The following GRIA4 variants were observed in gnomAD, a reference collection of about 807,000 sequenced individuals.
GRIA4 encodes glutamate receptor 4.
Under a neutral mutation model 104.0 loss-of-function variants are expected in GRIA4, and 34 were observed. That is an observed-to-expected ratio of 0.33 (90% confidence interval 0.25 to 0.44). The LOEUF is 0.44. Among genes scored for constraint, GRIA4 ranks in the 20% least tolerant of loss-of-function variants. The probability of loss-of-function intolerance (pLI) is 1.00; values close to 1 mark genes in which losing one functional copy is unlikely to be tolerated. For synonymous variants in GRIA4, 386 were observed against 381.9 expected (o/e 1.01, Z -0.13); for missense variants, 750 against 1,096.5 (o/e 0.68, Z 4.46).
chr11:105,716,851 C>T (rs1954108772), intron 3 of GRIA4, among the ~76,000 whole-genome samples: 1 of 152,044 alleles, frequency 6.6e-6, no homozygotes, highest in African/African-American at 2.4e-5. Flanking sequence ...AGAGAATATA[C>T]TATATTATAA....
chr11:105,664,857 G>C (rs1361500580), intron 3 of GRIA4, among the ~76,000 whole-genome samples: 1 of 151,924 alleles, frequency 6.6e-6, no homozygotes, highest in Non-Finnish European at 1.5e-5. Context: ...CCTCACAATA[G>C]AATCAATTGG....
Position 105,760,842 on chromosome 11 carries a change from C to T in GRIA4, c.487+7622C>T, listed in dbSNP as rs376606538. On this transcript the variant is annotated intron_variant, in intron 4 of 16. Coordinates refer to ENST00000282499, the MANE Select transcript of GRIA4 (RefSeq NM_000829.4). ...GTTTTCTGATATTAATGGTTTGAAA[C>T]CCTTTGGGATTTTTTTCATGTTCGA... Among the ~76,000 whole-genome samples, 17 of 151,898 alleles carry T rather than the reference C, an allele frequency of 1.1e-4. No homozygotes were observed. The South Asian group carries it at 3.3e-3, about 30-fold the overall frequency.
chr11:105,825,290 C>G (rs938356512), intron 4 of GRIA4, among the ~76,000 whole-genome samples: 2 of 151,960 alleles, frequency 1.3e-5, no homozygotes, highest in Non-Finnish European at 2.9e-5. Context: ...TGCAGCAGTC[C>G]AGGGGACATC....
rs188625788 is a variant in GRIA4 at position 105,630,154 on chromosome 11, G to A, written c.247+17720G>A. On this transcript the variant is annotated intron_variant, in intron 3 of 16. Transcript: ENST00000282499. ...AGGCACCTTGGACTTACCCTACTACGTGATATTATTATTTATTTGCACTCC... is the reference window on the plus strand; with the variant it reads ...AGGCACCTTGGACTTACCCTACTACATGATATTATTATTTATTTGCACTCC... Among the ~76,000 whole-genome samples, 189 of 152,196 alleles carry A rather than the reference G, an allele frequency of 1.2e-3. 1 individual carries two copies. The highest frequency in any genetic ancestry group is 1.8e-3 in the Non-Finnish European group (125 of 68,014).
At position 105,713,718 on chromosome 11, in the gene GRIA4, T is replaced by C. The variant is rs532829470; in HGVS notation, c.248-39263T>C. Among the ~76,000 whole-genome samples the C allele has an allele frequency of 1.6e-3, 239 of 152,294 alleles. 3 individuals carry two copies. The highest frequency in any genetic ancestry group is 2.9e-4 in the Non-Finnish European group (20 of 68,026). The stretch of plus-strand genomic sequence containing the variant: ...TTGTTAAATTACTTCAGGAACATAG[T>C]TCAGAAATTATTAATTAATATATGC... On this transcript the variant is annotated intron_variant, in intron 3 of 16. Coordinates refer to ENST00000282499, the MANE Select transcript of GRIA4 (RefSeq NM_000829.4).
At chr11:105,827,789 C>G (rs969235565) in intron 4 of GRIA4, among the ~76,000 whole-genome samples, 2 of 152,110 alleles carry the variant, frequency 1.3e-5, no homozygotes, top group East Asian at 1.9e-4. Flanking sequence ...AGTCTCCTTA[C>G]ATTTTATTAT....
At chr11:105,918,672 T>G (rs745924041) in intron 10 of GRIA4, 40 bp from the exon 11 acceptor site, 3 of 999,720 alleles carry the variant, frequency 3.0e-6, no homozygotes, top group Non-Finnish European at 4.7e-6. Context: ...TTCAAATGTT[T>G]TATAATTTCT....
intron 3 of GRIA4, among the ~76,000 whole-genome samples, chr11:105,722,799 A>G (rs1002285732): frequency 2.6e-5 from 4 of 152,112 alleles, no homozygotes; most frequent in East Asian, 1.9e-4. Context: ...CATACATAAA[A>G]TAAGTAAAAA....
chr11:105,762,639 C>T (rs557422993), intron 4 of GRIA4, among the ~76,000 whole-genome samples: 1 of 152,218 alleles, frequency 6.6e-6, no homozygotes, highest in Admixed American at 6.5e-5. Flanking sequence ...TGGGAGGGAC[C>T]TGGTTTGAAT....
chr11:105,898,213 A>C, intron 6 of GRIA4, 56 bp from the exon 7 acceptor site: 7 of 821,710 alleles, frequency 8.5e-6, no homozygotes, highest in Non-Finnish European at 1.4e-5. Flanking sequence ...TTACTATTGA[A>C]GAGCTGCCAT....
At position 105,636,268 on chromosome 11, in the gene GRIA4, A is replaced by G. The variant is rs79082822; in HGVS notation, c.247+23834A>G. Among the ~76,000 whole-genome samples the G allele has an allele frequency of 2.2e-3, 329 of 152,300 alleles. 1 individual carries two copies. Among genetic ancestry groups the G allele is most frequent in the African/African-American group, 7.6e-3 (317 of 41,576 alleles). ...TATTGTTCATGAAATGTACATTTTA[A>G]GGCAATGGGGAATCAAAATTGCAAA... On this transcript the variant is annotated intron_variant, in intron 3 of 16. Transcript: ENST00000282499.
chr11:105,631,146 G>A (rs952601199), intron 3 of GRIA4, among the ~76,000 whole-genome samples: 11 of 152,094 alleles, frequency 7.2e-5, no homozygotes, highest in African/African-American at 2.7e-4. Flanking sequence ...AAGGACATAG[G>A]TCTCTTTGCT....
At chr11:105,969,464 G>C (rs1171812068) in intron 14 of GRIA4, among the ~76,000 whole-genome samples, 1 of 152,116 alleles carries the variant, frequency 6.6e-6, no homozygotes, top group Non-Finnish European at 1.5e-5. Flanking sequence ...CCGGGTTACA[G>C]GTGTGAAATA....
At chr11:105,720,965 G>T (rs1937767202) in intron 3 of GRIA4, among the ~76,000 whole-genome samples, 1 of 152,150 alleles carries the variant, frequency 6.6e-6, no homozygotes, top group South Asian at 2.1e-4. Flanking sequence ...AAGGCTGTTG[G>T]TTCCCAGAAG....
intron 3 of GRIA4, among the ~76,000 whole-genome samples, chr11:105,696,914 GC>G (rs1186783565): frequency 6.6e-6 from 1 of 151,990 alleles, no homozygotes; most frequent in Non-Finnish European, 1.5e-5. Flanking sequence ...ATAGGCACGT[GC>G]CACCACCCCA....
chr11:105,680,736 T>C (rs1952683166), intron 3 of GRIA4, among the ~76,000 whole-genome samples: 1 of 152,128 alleles, frequency 6.6e-6, no homozygotes, highest in African/African-American at 2.4e-5. Context: ...CCAGTGAGGT[T>C]TCTCAGCTAA....
At chr11:105,944,210 A>G (rs1318705896) in intron 14 of GRIA4, among the ~76,000 whole-genome samples, 2 of 152,190 alleles carry the variant, frequency 1.3e-5, no homozygotes, top group Non-Finnish European at 2.9e-5. Flanking sequence ...TAGAATAATG[A>G]TTACAACATC....
intron 3 of GRIA4, among the ~76,000 whole-genome samples, chr11:105,674,374 T>C (rs1952468606): frequency 6.6e-6 from 1 of 151,678 alleles, no homozygotes; most frequent in Non-Finnish European, 1.5e-5. Context: ...ACTCAAATAG[T>C]CAAGTTTAGA....
chr11:105,865,775 T>C (rs752623965), intron 5 of GRIA4, among the ~76,000 whole-genome samples: 4 of 152,216 alleles, frequency 2.6e-5, no homozygotes, highest in Non-Finnish European at 4.4e-5. Context: ...TTGGTTCACA[T>C]GTTTAACCTA....
Sources: gnomAD v4.1 joint callset for allele counts (sites outside exome capture counted in the v4.1 genomes callset) on GRCh38, gnomAD v4.1.1 for gene constraint, MANE v1.5 for transcripts, NCBI Gene and HGNC (gene_info 2026-07-23, HGNC 2026-07-21) for gene names.